TEX2: variants seen among roughly 807,000 people sequenced by gnomAD.
The protein encoded by TEX2 is testis-expressed protein 2.
Under a neutral mutation model 106.9 loss-of-function variants are expected in TEX2, and 53 were observed. The ratio of observed to expected loss-of-function variants is 0.50; its 90% CI spans 0.40 to 0.62. The LOEUF (loss-of-function observed/expected upper bound fraction) is 0.62. Ranked by LOEUF, TEX2 falls within the 20% of genes least tolerant of loss-of-function variation. TEX2 has a pLI of 0.00. For missense variants in TEX2, 1,207 were observed against 1,379.0 expected (o/e 0.88, Z 1.98); for synonymous variants, 523 against 534.8 (o/e 0.98, Z 0.30).
intron 5 of TEX2, among the ~76,000 whole-genome samples, chr17:64,181,430 C>A (rs917835166): frequency 7.4e-6 from 1 of 135,324 alleles, no homozygotes; most frequent in African/African-American, 2.9e-5. Context: ...GGGCCGAGAC[C>A]GTGCCACTGT....
chr17:64,236,572 A>T (rs2033772716), intron 1 of TEX2, among the ~76,000 whole-genome samples: 1 of 152,168 alleles, frequency 6.6e-6, no homozygotes, highest in African/African-American at 2.4e-5. Context: ...AGTATATGGG[A>T]GGATGTGCAT....
intron 1 of TEX2, among the ~76,000 whole-genome samples, chr17:64,223,336 T>C (rs1473872641): frequency 1.3e-5 from 2 of 150,580 alleles, no homozygotes; most frequent in African/African-American, 4.9e-5. Flanking sequence ...TCCAAGATAA[T>C]ATTAACCTCA....
intron 4 of TEX2, among the ~76,000 whole-genome samples, chr17:64,189,917 G>A (rs1349688368): frequency 3.3e-5 from 5 of 151,606 alleles, no homozygotes; most frequent in African/African-American, 9.7e-5. Flanking sequence ...CCTGGGAGGC[G>A]GAGGTTGCAG....
rs529040391 is a variant in TEX2 at position 64,184,631 on chromosome 17, G to T, written c.2424+3537C>A. ...GTCCAATTTACCTATCTTTTCTTTGGTTGCTTATGCTTTTAGTATCTTAGC... is the reference window on the plus strand; with the variant it reads ...GTCCAATTTACCTATCTTTTCTTTGTTTGCTTATGCTTTTAGTATCTTAGC... On this transcript the variant is annotated intron_variant, in intron 5 of 11. Coordinates refer to ENST00000584379, the MANE Select transcript of TEX2 (RefSeq NM_001288732.2). Among the ~76,000 whole-genome samples the T allele has an allele frequency of 3.3e-5, 5 of 152,230 alleles. No homozygotes were observed. In the East Asian group the frequency reaches 7.7e-4, roughly 23 times the overall value.
rs2032040406 is a variant in TEX2, at chr17:64,185,514, T to C, written c.2424+2654A>G. On this transcript the variant is annotated intron_variant, in intron 5 of 11. Coordinates refer to ENST00000584379, the MANE Select transcript of TEX2 (RefSeq NM_001288732.2). This position sits in a 1 kb window ranked among gnomAD's most constrained non-coding sequence, Gnocchi z 4.0. ...CCTTCCAAACCAGGCACTAAACATT[T>C]GGAAAACTAGGCCCTTGCCCCCCAA... 6.6e-6 allele frequency among the ~76,000 whole-genome samples: 1 copy of C among 152,170 alleles called. No individual in the cohort carries two copies. Among genetic ancestry groups the C allele is most frequent in the South Asian group, 2.1e-4 (1 of 4,834 alleles).
chr17:64,151,454 G>A (rs1353833189), intron 10 of TEX2, among the ~76,000 whole-genome samples: 1 of 152,066 alleles, frequency 6.6e-6, no homozygotes, highest in African/African-American at 2.4e-5. Flanking sequence ...GATCAATAAG[G>A]TTTGAAACCT....
At chr17:64,186,831 A>C (rs542785643) in intron 5 of TEX2, among the ~76,000 whole-genome samples, 16 of 152,186 alleles carry the variant, frequency 1.1e-4, no homozygotes, top group African/African-American at 3.4e-4. Flanking sequence ...GTCTCAAAAA[A>C]AAAGAGGTCA....
At chr17:64,220,209 A>G (rs1460898466) in intron 1 of TEX2, among the ~76,000 whole-genome samples, 1 of 152,230 alleles carries the variant, frequency 6.6e-6, no homozygotes, top group African/African-American at 2.4e-5. Flanking sequence ...TTAACTCAAG[A>G]TGGATTAAAG....
rs2033847006 is a variant in TEX2 at position 64,239,803 on chromosome 17, GA to G, written c.-26+23364del. 4.0e-5 allele frequency among the ~76,000 whole-genome samples: 6 copies of G among 148,620 alleles called. No homozygotes were observed. The South Asian group carries it at 1.3e-3, about 32-fold the overall frequency. On this transcript the variant is annotated intron_variant, in intron 1 of 11. Coordinates refer to ENST00000584379, the MANE Select transcript of TEX2 (RefSeq NM_001288732.2). ...AGGCAGAAGAATTGCTTGAACTTGG[GA>G]GGCAGAGGTTGCAGTGAGCCAAGAT...
chr17:64,180,965 A>G (rs1327299024), intron 5 of TEX2, among the ~76,000 whole-genome samples: 4 of 152,202 alleles, frequency 2.6e-5, no homozygotes, highest in Admixed American at 6.5e-5. Context: ...GGGGTTGCAC[A>G]AGGGACAGTG....
rs147955365 is a variant in TEX2 at position 64,166,442 on chromosome 17, G to C, written c.2671+4658C>G. 3.5e-3 allele frequency among the ~76,000 whole-genome samples: 539 copies of C among 152,308 alleles called. 5 individuals carry two copies. The highest frequency in any genetic ancestry group is 0.012 in the African/African-American group (513 of 41,548). On this transcript the variant is annotated intron_variant, in intron 7 of 11. Coordinates refer to ENST00000584379, the MANE Select transcript of TEX2 (RefSeq NM_001288732.2). ...CAGTGCTCATGGGCAGCCTCTGATG[G>C]GGCCTAGACTCCATGAAACAGGTTG...
chr17:64,249,587 T>C (rs1555636714), intron 1 of TEX2, among the ~76,000 whole-genome samples: 1 of 152,204 alleles, frequency 6.6e-6, no homozygotes, highest in African/African-American at 2.4e-5. Flanking sequence ...TAAAAAATCA[T>C]ACAGACTTCT....
At chr17:64,187,588 A>G (rs1295998229) in intron 5 of TEX2, among the ~76,000 whole-genome samples, 1 of 152,024 alleles carries the variant, frequency 6.6e-6, no homozygotes, top group Non-Finnish European at 1.5e-5. Context: ...AGATCAGTCA[A>G]CATCATACCC....
chr17:64,190,379 T>A (rs1260084902), intron 4 of TEX2, among the ~76,000 whole-genome samples: 1 of 151,912 alleles, frequency 6.6e-6, no homozygotes, highest in African/African-American at 2.4e-5. Flanking sequence ...TACAGTTTAG[T>A]TAATAGTAAA....
Position 64,213,476 on chromosome 17 carries a change from T to G in TEX2, c.742A>C (p.Lys248Gln). 6.2e-7 allele frequency: 1 copy of G among 1,614,192 alleles called. No individual in the cohort carries two copies. The highest frequency in any genetic ancestry group is 8.5e-7 in the Non-Finnish European group (1 of 1,180,034). ...PDSKLNLHLF[K>Q]QFTQPRNTGG... ...GTGTTTCGGGGCTGTGTGAACTGCT[T>G]GAACAGGTGTAAGTTCAGTTTGGAA... Residue 248 changes from lysine (K) to glutamine (Q), a missense_variant, in exon 2 of 12, where the codon AAG (lysine) becomes CAG (glutamine). Lys to Gln is a moderately conservative substitution (Grantham distance 53). Coordinates refer to ENST00000584379, the MANE Select transcript of TEX2 (RefSeq NM_001288732.2). The surrounding 1 kb of genome is among the most constrained non-coding windows in gnomAD (Gnocchi z 4.4).
Position 64,154,987 on chromosome 17 carries a change from C to T in TEX2, c.2805-20G>A. 1 of 1,548,968 alleles carries T rather than the reference C, an allele frequency of 6.5e-7. No individual in the cohort carries two copies. Among genetic ancestry groups the T allele is most frequent in the Non-Finnish European group, 8.7e-7 (1 of 1,151,878 alleles). ...CTGCAACTGGACAGAGAGAGAGTCA[C>T]CACCACTGCCTGCCCTCACCCAAGC... On this transcript the variant is annotated intron_variant, in intron 8 of 11. Coordinates refer to ENST00000584379, the MANE Select transcript of TEX2 (RefSeq NM_001288732.2).
intron 2 of TEX2, among the ~76,000 whole-genome samples, chr17:64,196,982 A>ATTTGTTT (rs2032491874): frequency 1.6e-5 from 1 of 63,568 alleles, no homozygotes; most frequent in Non-Finnish European, 2.9e-5. Context: ...TCAAATCAAG[A>ATTTGTTT]TTTTTTTTTT....
chr17:64,214,232 G>A lies in TEX2; in HGVS notation c.-15C>T. On this transcript the variant is annotated 5_prime_UTR_variant, in exon 2 of 12. Coordinates refer to ENST00000584379, the MANE Select transcript of TEX2 (RefSeq NM_001288732.2). The stretch of plus-strand genomic sequence containing the variant: ...AGACTTGTCATTGCCGGCTTCACAA[G>A]GGCTCAGGCTCTGTGAAAACAGTGA... 2 of 1,602,106 alleles carry A rather than the reference G, an allele frequency of 1.2e-6. No individual in the cohort carries two copies. Among genetic ancestry groups the A allele is most frequent in the Non-Finnish European group, 8.5e-7 (1 of 1,171,604 alleles).
chr17:64,208,801 A>T (rs1403769346), intron 2 of TEX2, among the ~76,000 whole-genome samples: 1 of 151,462 alleles, frequency 6.6e-6, no homozygotes, highest in Admixed American at 6.6e-5. Context: ...ATTATTTTAA[A>T]TTTTTTGTAG....
Sources: gnomAD v4.1 joint callset for allele counts (sites outside exome capture counted in the v4.1 genomes callset) on GRCh38, gnomAD v4.1.1 for gene constraint, Gnocchi (gnomAD v3.1) non-coding constraint, MANE v1.5 for transcripts, NCBI Gene and HGNC (gene_info 2026-07-23, HGNC 2026-07-21) for gene names.